GRM5: variants seen among roughly 807,000 people sequenced by gnomAD.
GRM5 encodes the protein metabotropic glutamate receptor 5.
In GRM5, 19 loss-of-function variants were observed where a neutral mutation model predicts 83.1. That is an observed-to-expected ratio of 0.23 (90% CI 0.16 to 0.34). The LOEUF (loss-of-function observed/expected upper bound fraction) is 0.34, where lower values mean the gene tolerates loss of function less well. Ranked by LOEUF, GRM5 falls within the 10% of genes least tolerant of loss-of-function variation. The pLI, the probability that GRM5 is intolerant of heterozygous loss-of-function variation, is 1.00. For missense variants in GRM5, 1,160 were observed against 1,588.3 expected, an observed-to-expected ratio of 0.73 and a Z score of 4.58; for synonymous variants, 675 against 633.6, an observed-to-expected ratio of 1.07 and a Z score of -0.98.
At chr11:88,664,334 GAA>G (rs11297218) in intron 3 of GRM5, among the ~76,000 whole-genome samples, 4 of 151,802 alleles carry the variant, frequency 2.6e-5, no homozygotes, top group African/African-American at 9.7e-5. Flanking sequence ...AAAAAAACTG[GAA>G]AAAAAATGGA....
chr11:88,880,773 G>A (rs570103391), intron 2 of GRM5, among the ~76,000 whole-genome samples: 4 of 152,224 alleles, frequency 2.6e-5, no homozygotes, highest in East Asian at 3.9e-4. Context: ...GGAGAGGTAC[G>A]AACAATTAAG....
chr11:88,995,406 G>A (rs948211265), intron 2 of GRM5, among the ~76,000 whole-genome samples: 8 of 151,832 alleles, frequency 5.3e-5, no homozygotes, highest in African/African-American at 1.2e-4. Flanking sequence ...TTAGCCGGGC[G>A]TGTTTGCAGG....
At chr11:88,840,630 A>T (rs1944181524) in intron 3 of GRM5, among the ~76,000 whole-genome samples, 1 of 152,252 alleles carries the variant, frequency 6.6e-6, no homozygotes, top group Non-Finnish European at 1.5e-5. Flanking sequence ...CCATAACAAC[A>T]ATTGTATCTT....
chr11:88,653,416 A>G lies in GRM5; in HGVS notation c.912-13T>C, dbSNP rs749978897. 1 of 1,561,970 alleles carries G rather than the reference A, an allele frequency of 6.4e-7. No individual in the cohort carries two copies. The highest frequency in any genetic ancestry group is 2.3e-5 in the East Asian group (1 of 44,418). ...AGCCCAGCCATCACTGTGGGGAAAT[A>G]AAAAAACCCTCAGCTTAGAACAGAT... On this transcript the variant is annotated splice_polypyrimidine_tract_variant and intron_variant, in intron 3 of 9. Transcript: ENST00000305447.
chr11:88,638,771 T>C (rs12272218), intron 4 of GRM5, among the ~76,000 whole-genome samples: 5,091 of 152,216 alleles, frequency 0.033, 268 homozygotes, highest in African/African-American at 0.11. Flanking sequence ...AAGTTGCTCA[T>C]AGTATTTATT....
At chr11:88,746,438 C>CA (rs1181803633) in intron 3 of GRM5, among the ~76,000 whole-genome samples, 6 of 152,048 alleles carry the variant, frequency 3.9e-5, no homozygotes, top group Non-Finnish European at 7.4e-5. Flanking sequence ...TAGTAAGTGT[C>CA]ACATTTGTGC....
chr11:88,895,436 TAA>T (rs1479670097), intron 2 of GRM5, among the ~76,000 whole-genome samples: 7 of 151,860 alleles, frequency 4.6e-5, no homozygotes. Flanking sequence ...TCTTTAACTG[TAA>T]AGAGGGAACA....
At chr11:88,790,048 G>C (rs547966757) in intron 3 of GRM5, among the ~76,000 whole-genome samples, 1 of 152,222 alleles carries the variant, frequency 6.6e-6, no homozygotes, top group African/African-American at 2.4e-5. Flanking sequence ...ATTTTTAATA[G>C]AGATGGGATT....
intron 2 of GRM5, among the ~76,000 whole-genome samples, chr11:88,943,194 G>C: frequency 6.6e-6 from 1 of 152,060 alleles, no homozygotes; most frequent in Non-Finnish European, 1.5e-5. Context: ...TCATGTGTTA[G>C]GCAATTCCTT....
intron 3 of GRM5, among the ~76,000 whole-genome samples, chr11:88,826,515 C>G (rs1284925087): frequency 6.6e-6 from 1 of 151,566 alleles, no homozygotes; most frequent in East Asian, 1.9e-4. Context: ...TTAAAGCCTT[C>G]CAAGGGCCAA....
intron 4 of GRM5, among the ~76,000 whole-genome samples, chr11:88,645,419 T>G (rs1337914768): frequency 6.6e-6 from 1 of 152,116 alleles, no homozygotes; most frequent in Non-Finnish European, 1.5e-5. Flanking sequence ...AGATTTAGCA[T>G]GTACAGAAAC....
At chr11:88,768,567 A>T (rs1378026735) in intron 3 of GRM5, among the ~76,000 whole-genome samples, 1 of 151,946 alleles carries the variant, frequency 6.6e-6, no homozygotes, top group Non-Finnish European at 1.5e-5. Context: ...AGTGAACCAT[A>T]CACTTAACAA....
At chr11:88,949,092 T>C (rs1938374119) in intron 2 of GRM5, among the ~76,000 whole-genome samples, 1 of 152,248 alleles carries the variant, frequency 6.6e-6, no homozygotes, top group African/African-American at 2.4e-5. Flanking sequence ...CTGATTGTGC[T>C]CTGAAGCCAC....
chr11:88,815,901 T>A (rs1590879364), intron 3 of GRM5, among the ~76,000 whole-genome samples: 1 of 152,084 alleles, frequency 6.6e-6, no homozygotes, highest in Non-Finnish European at 1.5e-5. Context: ...ATCAGAGGCT[T>A]CAGCCCCTGC....
At chr11:88,829,541 TA>T (rs1943950059) in intron 3 of GRM5, among the ~76,000 whole-genome samples, 1 of 152,094 alleles carries the variant, frequency 6.6e-6, no homozygotes, top group African/African-American at 2.4e-5. Flanking sequence ...AGAGAGTATC[TA>T]AAATGATATA....
At chr11:89,024,855 G>C (rs1941090542) in intron 2 of GRM5, among the ~76,000 whole-genome samples, 1 of 152,080 alleles carries the variant, frequency 6.6e-6, no homozygotes, top group African/African-American at 2.4e-5. Flanking sequence ...TTGCTTCATA[G>C]TAGACTCTCT....
At chr11:88,622,351 T>C (rs1283222646) in intron 4 of GRM5, among the ~76,000 whole-genome samples, 2 of 152,174 alleles carry the variant, frequency 1.3e-5, no homozygotes, top group African/African-American at 4.8e-5. Context: ...TTGGGGAGAA[T>C]TTCAAACCCA....
At chr11:88,555,881 T>C (rs1027967669) in intron 8 of GRM5, among the ~76,000 whole-genome samples, 7 of 152,148 alleles carry the variant, frequency 4.6e-5, no homozygotes, top group African/African-American at 9.7e-5. Context: ...TTAGTTTCTA[T>C]GTAATTAAGT....
chr11:88,535,921 G>A (rs308894), intron 8 of GRM5, among the ~76,000 whole-genome samples: 12,041 of 152,144 alleles, frequency 0.079, 890 homozygotes, highest in African/African-American at 0.19. Context: ...TAATAAGTTA[G>A]ATTTGTAAGG....
Sources: allele counts gnomAD v4.1 joint callset (sites outside exome capture counted in the v4.1 genomes callset), GRCh38; gene constraint gnomAD v4.1.1; transcripts MANE v1.5; gene names NCBI Gene and HGNC (gene_info 2026-07-23, HGNC 2026-07-21).